SLC24A3: variants seen among roughly 807,000 people sequenced by gnomAD.
SLC24A3 encodes the protein solute carrier family 24 member 3.
SLC24A3 carries 28 observed loss-of-function variants against 75.8 expected under a neutral mutation model. The observed-to-expected ratio is 0.37, with a 90% CI of 0.27 to 0.51. The LOEUF is 0.51. Among genes scored for constraint, SLC24A3 ranks in the 20% least tolerant of loss-of-function variants. SLC24A3 has a pLI of 0.94. For synonymous variants in SLC24A3, 372 were observed against 334.1 expected, an observed-to-expected ratio of 1.11 and a Z score of -1.24; for missense variants, 663 against 847.8, an observed-to-expected ratio of 0.78 and a Z score of 2.71.
intron 3 of SLC24A3, among the ~76,000 whole-genome samples, chr20:19,522,787 T>G (rs76671254): frequency 0.01 from 1 of 98 alleles, no homozygotes. Context: ...TCCTGCAGGG[T>G]TTTTTTTTTT....
intron 2 of SLC24A3, among the ~76,000 whole-genome samples, chr20:19,361,415 G>A (rs1985786303): frequency 6.6e-6 from 1 of 152,158 alleles, no homozygotes. Flanking sequence ...TCTGACACTT[G>A]TAAAGAGACA....
chr20:19,350,849 A>C (rs955573973), intron 2 of SLC24A3, among the ~76,000 whole-genome samples: 4 of 152,196 alleles, frequency 2.6e-5, no homozygotes, highest in African/African-American at 9.7e-5. Context: ...TTTCTCATCC[A>C]TCTTGGAGAA....
intron 6 of SLC24A3, among the ~76,000 whole-genome samples, chr20:19,633,095 A>G (rs577621122): frequency 3.3e-5 from 5 of 152,208 alleles, no homozygotes; most frequent in African/African-American, 1.2e-4. Flanking sequence ...GGCTTTCCAC[A>G]TCTGTAAAAT....
Position 19,667,263 on chromosome 20 carries a change from A to G in SLC24A3, c.713+1374A>G, listed in dbSNP as rs185930865. 5.9e-5 allele frequency among the ~76,000 whole-genome samples: 9 copies of G among 152,260 alleles called. No homozygotes were observed. In the East Asian group the frequency reaches 1.3e-3, roughly 23 times the overall value. Reference sequence around the variant, plus strand: ...AGAAAGAGGAGGAGACAGCTAGGAGAAAATGAGAAGGAGGTCTTCTTTGAA... The same window carrying G: ...AGAAAGAGGAGGAGACAGCTAGGAGGAAATGAGAAGGAGGTCTTCTTTGAA... On this transcript the variant is annotated intron_variant, in intron 8 of 16. Transcript: ENST00000328041.
At chr20:19,435,424 T>C (rs1216503837) in intron 2 of SLC24A3, among the ~76,000 whole-genome samples, 1 of 152,236 alleles carries the variant, frequency 6.6e-6, no homozygotes, top group African/African-American at 2.4e-5. Context: ...TCACCACTTA[T>C]AGTCTATACC....
At chr20:19,451,755 T>C (rs1987484688) in intron 2 of SLC24A3, among the ~76,000 whole-genome samples, 1 of 152,216 alleles carries the variant, frequency 6.6e-6, no homozygotes, top group African/African-American at 2.4e-5. Context: ...CCTGGTGTTG[T>C]GTTCCTCTTG....
chr20:19,215,958 A>C (rs1981541669), intron 1 of SLC24A3, among the ~76,000 whole-genome samples: 1 of 152,258 alleles, frequency 6.6e-6, no homozygotes, highest in Non-Finnish European at 1.5e-5. Context: ...AAATTCTAAC[A>C]ACAAAAGCAA....
chr20:19,517,889 C>T (rs2030026252), intron 3 of SLC24A3, among the ~76,000 whole-genome samples: 1 of 152,168 alleles, frequency 6.6e-6, no homozygotes, highest in African/African-American at 2.4e-5. Context: ...GACAAATGTT[C>T]GGGTGGACCT....
chr20:19,511,773 A>AT (rs1314449811), intron 2 of SLC24A3, among the ~76,000 whole-genome samples: 19 of 152,200 alleles, frequency 1.2e-4, no homozygotes, highest in African/African-American at 4.6e-4. Context: ...CAATTTTGTT[A>AT]TTTTCCTGAT....
intron 2 of SLC24A3, among the ~76,000 whole-genome samples, chr20:19,370,385 A>G (rs1385071709): frequency 6.6e-6 from 1 of 152,236 alleles, no homozygotes; most frequent in Non-Finnish European, 1.5e-5. Flanking sequence ...CTGGAATGAC[A>G]TTCGTGTTTT....
chr20:19,477,874 T>C (rs112878539), intron 2 of SLC24A3, among the ~76,000 whole-genome samples: 104 of 152,278 alleles, frequency 6.8e-4, no homozygotes, highest in African/African-American at 2.4e-3. Context: ...ATGGCTACTA[T>C]TGGGTTTTGC....
At position 19,674,501 on chromosome 20, in the gene SLC24A3, G is replaced by T. The variant is rs117913238; in HGVS notation, c.767+847G>T. ...TGGGCTCCTCCCTAGAGCTGCTTGA[G>T]TGGCTTCCTCCAGAGCAAGTGGTTC... is the stretch of plus-strand genomic sequence containing the variant. On this transcript the variant is annotated intron_variant, in intron 9 of 16. Transcript: ENST00000328041. 7.1e-3 allele frequency among the ~76,000 whole-genome samples: 1,081 copies of T among 152,298 alleles called. 8 individuals are homozygous for T. Among genetic ancestry groups the T allele is most frequent in the Non-Finnish European group, 9.9e-3 (671 of 68,028 alleles).
At chr20:19,282,029 G>A (rs1983680176) in intron 2 of SLC24A3, among the ~76,000 whole-genome samples, 1 of 152,086 alleles carries the variant, frequency 6.6e-6, no homozygotes, top group East Asian at 1.9e-4. Flanking sequence ...GGGCCCAGGA[G>A]CTCAATGACA....
intron 2 of SLC24A3, among the ~76,000 whole-genome samples, chr20:19,497,810 G>C (rs1486756454): frequency 3.9e-5 from 6 of 152,148 alleles, no homozygotes; most frequent in African/African-American, 1.4e-4. Flanking sequence ...ATTAAGAGTT[G>C]CTACTGTTTC....
chr20:19,324,130 A>C (rs915973012), intron 2 of SLC24A3, among the ~76,000 whole-genome samples: 1 of 152,172 alleles, frequency 6.6e-6, no homozygotes, highest in Admixed American at 6.5e-5. Context: ...AACACTTCCA[A>C]ATGAAAAATG....
At chr20:19,585,316 C>A in intron 5 of SLC24A3, 125 bp from the exon 6 acceptor site, 1 of 952,206 alleles carries the variant, frequency 1.1e-6, no homozygotes, top group Non-Finnish European at 1.6e-6. Flanking sequence ...AGAAAGCTCT[C>A]TCCACCCCTC....
intron 2 of SLC24A3, among the ~76,000 whole-genome samples, chr20:19,372,420 A>T (rs1216124669): frequency 6.6e-6 from 1 of 152,168 alleles, no homozygotes; most frequent in Non-Finnish European, 1.5e-5. Context: ...AGCCACACCC[A>T]CTTTCTGAGG....
intron 2 of SLC24A3, among the ~76,000 whole-genome samples, chr20:19,415,989 A>G (rs1485389475): frequency 3.3e-5 from 5 of 152,208 alleles, no homozygotes; most frequent in African/African-American, 9.6e-5. Flanking sequence ...CTGGCTTTGA[A>G]TTATATCTCT....
Position 19,698,641 on chromosome 20 carries a change from CT to C in SLC24A3, c.1681del (p.Trp561GlyfsTer16). On this transcript the variant is annotated frameshift_variant, in exon 15 of 17. Transcript: ENST00000328041. LOFTEE classifies it high-confidence loss of function. The stretch of plus-strand genomic sequence containing the variant: ...ACATCCTGATTGGCCTCGGTCTCCC[CT>C]GGGCTCTGCAGACCCTGGCTGTGGA... ...FDILIGLGLP[W>X]ALQTLAVDYG... 6.3e-7 allele frequency: 1 copy of C among 1,592,692 alleles called. No homozygotes were observed. The highest frequency in any genetic ancestry group is 8.6e-7 in the Non-Finnish European group (1 of 1,167,564).
Sources: gnomAD v4.1 joint callset for allele counts (sites outside exome capture counted in the v4.1 genomes callset) on GRCh38, gnomAD v4.1.1 for gene constraint, MANE v1.5 for transcripts, NCBI Gene and HGNC (gene_info 2026-07-23, HGNC 2026-07-21) for gene names.